GPAT3: variants seen among roughly 807,000 people sequenced by gnomAD.
GPAT3 encodes 1-AGP acyltransferase 9.
A neutral mutation model predicts 58.8 loss-of-function variants in GPAT3; 53 were observed. The observed-to-expected ratio is 0.90, with a 90% CI of 0.72 to 1.13. The LOEUF (loss-of-function observed/expected upper bound fraction) is 1.13. Ranked by LOEUF, GPAT3 falls within the 50% of genes most tolerant of loss-of-function variation. The pLI is 0.00. For synonymous variants in GPAT3, 197 were observed against 187.4 expected (o/e 1.05, Z -0.42); for missense variants, 511 against 527.6 (o/e 0.97, Z 0.31).
Position 83,595,138 on chromosome 4 carries a change from T to C in GPAT3, c.854+178T>C, listed in dbSNP as rs1726773088. 9.3e-6 allele frequency: 5 copies of C among 538,846 alleles called. No homozygotes were observed. In the South Asian group the frequency reaches 1.1e-4, roughly 12 times the overall value. The allele number at this position is 538,846 out of a possible 1,614,324, so 33.4% of individuals were successfully genotyped here. A position where few individuals can be genotyped will look rare whatever the true frequency, so the allele number is the denominator to read the frequency against. On this transcript the variant is annotated intron_variant, in intron 7 of 11. Coordinates refer to ENST00000264409, the MANE Select transcript of GPAT3 (RefSeq NM_032717.5). Reference sequence around the variant, plus strand: ...GCCAGATTTTTAAAAAATGTAATTCTGTAGTCATGGTAGGATATATGATGG... The same window carrying C: ...GCCAGATTTTTAAAAAATGTAATTCCGTAGTCATGGTAGGATATATGATGG...
chr4:83,570,676 T>C (rs978442638), intron 2 of GPAT3, among the ~76,000 whole-genome samples: 6 of 152,134 alleles, frequency 3.9e-5, no homozygotes, highest in African/African-American at 1.4e-4. Flanking sequence ...TTTTACTATG[T>C]TGGCCAGGGT....
At chr4:83,592,245 A>ATATATTAG (rs1473096173) in intron 6 of GPAT3, among the ~76,000 whole-genome samples, 9 of 152,198 alleles carry the variant, frequency 5.9e-5, no homozygotes, top group African/African-American at 2.2e-4. Flanking sequence ...CGCAATTACA[A>ATATATTAG]TATATTAGCC....
At chr4:83,581,324 A>C (rs1346552706) in intron 2 of GPAT3, among the ~76,000 whole-genome samples, 2 of 151,972 alleles carry the variant, frequency 1.3e-5, no homozygotes, top group Non-Finnish European at 2.9e-5. Context: ...TGGAGGACCA[A>C]AAACCCCTCT....
At chr4:83,550,233 A>T (rs544969515) in intron 2 of GPAT3, among the ~76,000 whole-genome samples, 1 of 151,602 alleles carries the variant, frequency 6.6e-6, no homozygotes, top group Non-Finnish European at 1.5e-5. Flanking sequence ...AGGTTTCACC[A>T]TGTTGCCCAG....
intron 2 of GPAT3, among the ~76,000 whole-genome samples, chr4:83,580,022 T>C (rs1006719649): frequency 2.0e-5 from 3 of 152,238 alleles, no homozygotes; most frequent in African/African-American, 7.2e-5. Context: ...TTTTTCTTTG[T>C]AGTCTAATGT....
chr4:83,593,669 CA>C (rs1003338905), intron 6 of GPAT3, among the ~76,000 whole-genome samples: 6 of 150,466 alleles, frequency 4.0e-5, no homozygotes, highest in South Asian at 2.1e-4. Context: ...TTCACTACTA[CA>C]AAAAAAAAGG....
intron 9 of GPAT3, among the ~76,000 whole-genome samples, 167 bp downstream of exon 9, chr4:83,597,682 C>T (rs1726896605): frequency 6.6e-6 from 1 of 152,182 alleles, no homozygotes. Context: ...TGTGCTCGCT[C>T]TCTATATGTA....
chr4:83,586,013 G>A (rs972685631), intron 3 of GPAT3, among the ~76,000 whole-genome samples: 4 of 152,138 alleles, frequency 2.6e-5, no homozygotes, highest in African/African-American at 9.7e-5. Flanking sequence ...CTTATTTTCT[G>A]TGTAACTTTG....
chr4:83,573,790 A>G (rs1725688807), intron 2 of GPAT3, among the ~76,000 whole-genome samples: 3 of 152,206 alleles, frequency 2.0e-5, no homozygotes, highest in Non-Finnish European at 4.4e-5. Flanking sequence ...TTTTAAAATA[A>G]TAGCATACAT....
At chr4:83,565,759 A>G (rs1427170042) in intron 2 of GPAT3, among the ~76,000 whole-genome samples, 2 of 152,250 alleles carry the variant, frequency 1.3e-5, no homozygotes, top group Non-Finnish European at 2.9e-5. Flanking sequence ...AGAGTTTAAA[A>G]GGCGGGTCCA....
chr4:83,557,388 A>G (rs1287271618), intron 2 of GPAT3, among the ~76,000 whole-genome samples: 1 of 152,220 alleles, frequency 6.6e-6, no homozygotes, highest in African/African-American at 2.4e-5. Context: ...CCTGGCAGAC[A>G]TCACTAGTTG....
chr4:83,578,951 T>TCTTTCTTTCTTTCTTTCTTG (rs1725935857), intron 2 of GPAT3, among the ~76,000 whole-genome samples: 1 of 91,662 alleles, frequency 1.1e-5, no homozygotes, highest in African/African-American at 4.5e-5. Flanking sequence ...TCTTTTCTTT[T>TCTTTCTTTCTTTCTTTCTTG]CTTTCTTTCT....
chr4:83,554,275 G>C (rs923941983), intron 2 of GPAT3, among the ~76,000 whole-genome samples: 5 of 152,124 alleles, frequency 3.3e-5, no homozygotes, highest in Non-Finnish European at 7.3e-5. Context: ...TTAAAGGCTG[G>C]CTGCCTTATT....
Position 83,604,978 on chromosome 4 carries a change from G to C in GPAT3, c.*211G>C, listed in dbSNP as rs1727203343. On this transcript the variant is annotated 3_prime_UTR_variant, in exon 12 of 12. Coordinates refer to ENST00000264409, the MANE Select transcript of GPAT3 (RefSeq NM_032717.5). ...ACATTAGCCCCATGGATTGTAAGGT[G>C]GTTTACTGAGTTAAAACAGATTCTG... The C allele has an allele frequency of 4.3e-6, 2 of 463,326 alleles. No individual in the cohort carries two copies. Among genetic ancestry groups the C allele is most frequent in the Admixed American group, 3.8e-5 (1 of 26,122 alleles). The allele number at this position is 463,326 out of a possible 1,614,324, so 28.7% of individuals were successfully genotyped here. A position where few individuals can be genotyped will look rare whatever the true frequency, so the allele number is the denominator to read the frequency against.
chr4:83,549,911 TG>T (rs1560604354), intron 2 of GPAT3, among the ~76,000 whole-genome samples: 1 of 151,730 alleles, frequency 6.6e-6, no homozygotes, highest in East Asian at 1.9e-4. Context: ...TTAGTAGAGA[TG>T]GGGTTTCACC....
At chr4:83,585,778 G>A (rs1012274504) in intron 3 of GPAT3, among the ~76,000 whole-genome samples, 4 of 152,022 alleles carry the variant, frequency 2.6e-5, no homozygotes, top group Non-Finnish European at 5.9e-5. Context: ...ATAGAGACAG[G>A]GTTTCACCAT....
intron 3 of GPAT3, among the ~76,000 whole-genome samples, chr4:83,583,495 C>T (rs1466555422): frequency 6.6e-6 from 1 of 151,208 alleles, no homozygotes; most frequent in Non-Finnish European, 1.5e-5. Context: ...TGGTGAAACC[C>T]CATCTCTACC....
At chr4:83,570,820 T>C (rs77572539) in intron 2 of GPAT3, among the ~76,000 whole-genome samples, 1 of 152,132 alleles carries the variant, frequency 6.6e-6, no homozygotes. Context: ...AAAAAAAAAT[T>C]GAGGTATAAT....
At position 83,568,635 on chromosome 4, in the gene GPAT3, G is replaced by A. The variant is rs1725494076; in HGVS notation, c.209-12927G>A. ...CCATTCTTCTGCTTCAGCGTCCGGG[G>A]TAGCTGGGACTACAGGCACCCGCCA... On this transcript the variant is annotated intron_variant, in intron 2 of 11. Coordinates refer to ENST00000264409, the MANE Select transcript of GPAT3 (RefSeq NM_032717.5). 2.0e-5 allele frequency among the ~76,000 whole-genome samples: 3 copies of A among 151,890 alleles called. No homozygotes were observed. The South Asian group carries it at 6.2e-4, about 31-fold the overall frequency.
Sources: gnomAD v4.1 joint callset for allele counts (sites outside exome capture counted in the v4.1 genomes callset) on GRCh38, gnomAD v4.1.1 for gene constraint, MANE v1.5 for transcripts, NCBI Gene and HGNC (gene_info 2026-07-23, HGNC 2026-07-21) for gene names.